Variants in CEP63 observed in about 807,000 individuals in gnomAD.
The protein encoded by CEP63 is centrosomal protein 63.
In CEP63, 84 loss-of-function variants were observed where a neutral mutation model predicts 89.1. The ratio of observed to expected loss-of-function variants is 0.94; its 90% confidence interval spans 0.79 to 1.13. CEP63 has a LOEUF of 1.13. Among genes scored for constraint, CEP63 ranks in the 50% most tolerant of loss-of-function variants. The pLI is 0.00. For synonymous variants in CEP63, 267 were observed against 272.5 expected (o/e 0.98, Z 0.20); for missense variants, 838 against 813.3 (o/e 1.03, Z -0.37).
At chr3:134,505,507 G>A (rs1943233537) in intron 2 of CEP63, among the ~76,000 whole-genome samples, 1 of 152,218 alleles carries the variant, frequency 6.6e-6, no homozygotes, top group Non-Finnish European at 1.5e-5. Flanking sequence ...TGATGCCAGT[G>A]GCAGGCAGGA....
At chr3:134,700,929 C>T in the CEP63 span, among the ~76,000 whole-genome samples, 1 of 152,096 alleles carries the variant, frequency 6.6e-6, no homozygotes, top group African/African-American at 2.4e-5. Flanking sequence ...TTTGCTTGTC[C>T]TTGTCTGCCT....
At chr3:134,737,121 G>A in the CEP63 span, among the ~76,000 whole-genome samples, 11 of 152,130 alleles carry the variant, frequency 7.2e-5, no homozygotes, top group Non-Finnish European at 7.4e-5. Context: ...AAGTGAAATT[G>A]AATTCCTGCT....
intron 3 of CEP63, among the ~76,000 whole-genome samples, chr3:134,521,950 G>A (rs904975966): frequency 2.0e-5 from 3 of 152,108 alleles, no homozygotes; most frequent in African/African-American, 7.2e-5. Flanking sequence ...TGTATAGAGT[G>A]TGCAAATGAC....
intron 2 of CEP63, among the ~76,000 whole-genome samples, chr3:134,502,754 G>C (rs2108293741): frequency 6.6e-6 from 1 of 151,800 alleles, no homozygotes; most frequent in East Asian, 1.9e-4. Context: ...GTTATCAACT[G>C]TTTATTTCAT....
chr3:134,517,161 C>T (rs1427021093), intron 3 of CEP63, among the ~76,000 whole-genome samples: 6 of 152,202 alleles, frequency 3.9e-5, no homozygotes, highest in Admixed American at 1.3e-4. Flanking sequence ...TCCTTCTCTG[C>T]CTTGCTCTCT....
chr3:134,501,273 C>T (rs1158382585), intron 2 of CEP63, among the ~76,000 whole-genome samples: 2 of 152,140 alleles, frequency 1.3e-5, no homozygotes, highest in African/African-American at 4.8e-5. Context: ...TATGATGCCT[C>T]TAGCTTTGTT....
chr3:134,729,491 T>A, the CEP63 span, among the ~76,000 whole-genome samples: 1 of 152,218 alleles, frequency 6.6e-6, no homozygotes. Context: ...GGCTTATTAG[T>A]CCCTAGTTCT....
Position 134,574,817 on chromosome 3 carries a change from A to T in CEP63, c.1354A>T (p.Ser452Cys), listed in dbSNP as rs188876152. The change falls in exon 12 of 12, where the codon AGT becomes TGT. Residue 452 changes from serine to cysteine, a missense_variant. Physicochemically the swap from Ser to Cys is moderately radical, Grantham distance 112 (BLOSUM62 -1). Coordinates refer to the CEP63 transcript ENST00000354446. ...GAGATGGGGTTTTACCATGTTGTCC[A>T]GTCTGGTTTTGAACTTCGGGATTCA... The T allele has an allele frequency of 1.1e-3, 657 of 623,956 alleles. 4 individuals are homozygous for T. Among genetic ancestry groups the T allele is most frequent in the African/African-American group, 0.01 (563 of 54,156 alleles). The allele number at this position is 623,956 out of a possible 1,614,324, so 38.7% of individuals were successfully genotyped here.
chr3:134,747,569 G>A, the CEP63 span, among the ~76,000 whole-genome samples: 25 of 152,288 alleles, frequency 1.6e-4, no homozygotes, highest in African/African-American at 3.4e-4. Flanking sequence ...AAAGTTCCAC[G>A]TGAGCTCAGG....
chr3:134,582,147 A>G (rs577277393), intron 10 of CEP63, among the ~76,000 whole-genome samples: 45 of 152,232 alleles, frequency 3.0e-4, no homozygotes, highest in African/African-American at 1.1e-3. Flanking sequence ...TGGCAGAAAT[A>G]GAAGGAAAAG....
chr3:134,541,725 C>T (rs1477070376), intron 6 of CEP63, among the ~76,000 whole-genome samples: 1 of 147,050 alleles, frequency 6.8e-6, no homozygotes, highest in East Asian at 2.0e-4. Flanking sequence ...CCTGGTCAGG[C>T]TTTTCTCGAA....
chr3:134,497,789 A>G (rs549531309), intron 2 of CEP63, among the ~76,000 whole-genome samples: 1 of 152,076 alleles, frequency 6.6e-6, no homozygotes, highest in African/African-American at 2.4e-5. Flanking sequence ...ATTTTTCTGC[A>G]TGTGAATATC....
chr3:134,578,977 C>T (rs192049199), downstream of CEP63, among the ~76,000 whole-genome samples: 23 of 151,842 alleles, frequency 1.5e-4, no homozygotes, highest in South Asian at 4.2e-4. Context: ...AGGCTGGTCT[C>T]GAACTTCTGA....
At chr3:134,689,993 T>C in the CEP63 span, among the ~76,000 whole-genome samples, 1 of 152,210 alleles carries the variant, frequency 6.6e-6, no homozygotes, top group African/African-American at 2.4e-5. Flanking sequence ...TTCATTGCTA[T>C]TAGTTATTTA....
chr3:134,584,032 C>A (rs921913621), intron 10 of CEP63, among the ~76,000 whole-genome samples: 3 of 152,124 alleles, frequency 2.0e-5, no homozygotes, highest in Non-Finnish European at 4.4e-5. Context: ...ATTTTGTATC[C>A]TGAGACTTTG....
At chr3:134,580,569 C>G (rs1477836568) in intron 10 of CEP63, among the ~76,000 whole-genome samples, 2 of 152,070 alleles carry the variant, frequency 1.3e-5, no homozygotes, top group Non-Finnish European at 2.9e-5. Context: ...GCTGGCAAAA[C>G]CGTGATACCA....
chr3:134,756,961 A>T, the CEP63 span, among the ~76,000 whole-genome samples: 373 of 152,286 alleles, frequency 2.4e-3, 3 homozygotes, highest in African/African-American at 8.2e-3. Context: ...TGTAGCAATC[A>T]TAGACCCTGC....
intron 11 of CEP63, among the ~76,000 whole-genome samples, chr3:134,572,300 T>C (rs1359155138): frequency 4.6e-5 from 7 of 152,210 alleles, no homozygotes; most frequent in Non-Finnish European, 1.0e-4. Flanking sequence ...CGTGCAGGTT[T>C]GTTACATGGG....
chr3:134,704,782 C>T, the CEP63 span, among the ~76,000 whole-genome samples: 1 of 152,228 alleles, frequency 6.6e-6, no homozygotes, highest in Non-Finnish European at 1.5e-5. Flanking sequence ...GGGACTTGCT[C>T]TTGGGCTGGG....
Sources: allele counts gnomAD v4.1 joint callset (sites outside exome capture counted in the v4.1 genomes callset), GRCh38; gene constraint gnomAD v4.1.1; transcripts MANE v1.5; gene names NCBI Gene and HGNC (gene_info 2026-07-23, HGNC 2026-07-21).